Variants in ROBO1 observed in about 807,000 individuals in gnomAD.
ROBO1 encodes roundabout homolog 1.
In ROBO1, 149 loss-of-function variants were observed where a neutral mutation model predicts 195.9. The observed-to-expected ratio is 0.76, with a 90% CI of 0.67 to 0.87. The LOEUF (loss-of-function observed/expected upper bound fraction) is 0.87. Ranked by LOEUF, ROBO1 falls within the 40% of genes least tolerant of loss-of-function variation. ROBO1 has a pLI of 0.00. For missense variants in ROBO1, 1,933 were observed against 2,068.3 expected (o/e 0.93, Z 1.27); for synonymous variants, 816 against 733.2 (o/e 1.11, Z -1.82).
At chr3:79,161,412 T>G (rs950519287) in intron 2 of ROBO1, among the ~76,000 whole-genome samples, 2 of 152,140 alleles carry the variant, frequency 1.3e-5, no homozygotes, top group Non-Finnish European at 2.9e-5. Flanking sequence ...TCAATTTTTT[T>G]AAATCAAGGT....
chr3:79,287,570 T>A (rs1234207176), intron 2 of ROBO1, among the ~76,000 whole-genome samples: 1 of 152,192 alleles, frequency 6.6e-6, no homozygotes, highest in African/African-American at 2.4e-5. Context: ...TGACTAGTTA[T>A]CCCCATCTTC....
At chr3:78,979,313 G>A (rs1453783505) in intron 3 of ROBO1, among the ~76,000 whole-genome samples, 6 of 152,218 alleles carry the variant, frequency 3.9e-5, no homozygotes, top group Non-Finnish European at 4.4e-5. Flanking sequence ...GAAAAAATCC[G>A]GGCTTTTATC....
At chr3:79,394,077 C>T (rs1166927807) in intron 2 of ROBO1, among the ~76,000 whole-genome samples, 1 of 150,494 alleles carries the variant, frequency 6.6e-6, no homozygotes, top group East Asian at 2.0e-4. Flanking sequence ...TTTGATGAAG[C>T]AAATCAAGAG....
intron 2 of ROBO1, among the ~76,000 whole-genome samples, chr3:79,484,186 A>C (rs2107403007): frequency 6.6e-6 from 1 of 152,218 alleles, no homozygotes; most frequent in African/African-American, 2.4e-5. Context: ...TGAGCCTTAA[A>C]ATTTTTGTCT....
intron 10 of ROBO1, among the ~76,000 whole-genome samples, chr3:78,683,148 C>T (rs1460377861): frequency 8.7e-5 from 13 of 150,134 alleles, no homozygotes; most frequent in Admixed American, 1.3e-4. Flanking sequence ...ACACACACAC[C>T]GTCACATCAA....
At chr3:79,150,095 G>A (rs2080737176) in intron 2 of ROBO1, among the ~76,000 whole-genome samples, 1 of 151,752 alleles carries the variant, frequency 6.6e-6, no homozygotes, top group Non-Finnish European at 1.5e-5. Flanking sequence ...TTGCAGTTCA[G>A]ATTTTCCCAT....
intron 2 of ROBO1, among the ~76,000 whole-genome samples, chr3:79,129,845 A>G (rs1334866610): frequency 1.3e-5 from 2 of 150,056 alleles, no homozygotes; most frequent in African/African-American, 4.9e-5. Context: ...TCCATCTTGA[A>G]TTGATTTTTG....
intron 2 of ROBO1, among the ~76,000 whole-genome samples, chr3:79,222,844 A>AAAAC (rs144882644): frequency 3.5e-4 from 53 of 152,062 alleles, no homozygotes; most frequent in Non-Finnish European, 6.3e-4. Context: ...TGTCCAACAC[A>AAAAC]AAACAAACAA....
At chr3:79,020,917 CAT>C (rs1388178076) in intron 3 of ROBO1, among the ~76,000 whole-genome samples, 1 of 152,076 alleles carries the variant, frequency 6.6e-6, no homozygotes, top group Non-Finnish European at 1.5e-5. Context: ...CTCTTTTCTA[CAT>C]AGTGTTGTGC....
At chr3:79,247,339 A>G (rs1172752040) in intron 2 of ROBO1, among the ~76,000 whole-genome samples, 1 of 149,768 alleles carries the variant, frequency 6.7e-6, no homozygotes, top group Non-Finnish European at 1.5e-5. Context: ...CAGACGCCAT[A>G]CTAGAACCAC....
chr3:78,712,445 C>T (rs1422262362), intron 8 of ROBO1, among the ~76,000 whole-genome samples: 3 of 152,134 alleles, frequency 2.0e-5, no homozygotes, highest in Non-Finnish European at 4.4e-5. Context: ...CGAAAAAAGG[C>T]ATATCTTCTC....
At chr3:78,821,258 T>A (rs943444166) in intron 4 of ROBO1, among the ~76,000 whole-genome samples, 6 of 150,112 alleles carry the variant, frequency 4.0e-5, no homozygotes, top group African/African-American at 1.2e-4. Flanking sequence ...CTCTGCCTCC[T>A]GGGCTCAAGC....
At chr3:79,677,737 C>A (rs1255679242) in intron 1 of ROBO1, among the ~76,000 whole-genome samples, 1 of 152,078 alleles carries the variant, frequency 6.6e-6, no homozygotes, top group Non-Finnish European at 1.5e-5. Context: ...GAAGTCAAGG[C>A]CTTCAGTTCT....
intron 2 of ROBO1, among the ~76,000 whole-genome samples, chr3:79,329,441 A>T (rs557369219): frequency 1.9e-4 from 29 of 152,330 alleles, no homozygotes; most frequent in African/African-American, 7.0e-4. Context: ...TGAAGTTAAA[A>T]ATCCTGGTTC....
At chr3:79,727,741 C>A (rs1247330557) in intron 1 of ROBO1, among the ~76,000 whole-genome samples, 1 of 152,150 alleles carries the variant, frequency 6.6e-6, no homozygotes, top group Non-Finnish European at 1.5e-5. Context: ...CCTGCCTGCA[C>A]CCTTTTAAAA....
At chr3:78,946,602 A>G (rs2040459773) in intron 3 of ROBO1, among the ~76,000 whole-genome samples, 1 of 152,250 alleles carries the variant, frequency 6.6e-6, no homozygotes, top group Non-Finnish European at 1.5e-5. Context: ...GGCTAGGAAG[A>G]AACTGCATCA....
chr3:79,220,980 C>A (rs1042639395), intron 2 of ROBO1, among the ~76,000 whole-genome samples: 2 of 152,018 alleles, frequency 1.3e-5, no homozygotes, highest in South Asian at 2.1e-4. Flanking sequence ...ACAACCTTAA[C>A]CCTGTAGTGA....
chr3:79,521,104 T>C (rs949706171), intron 2 of ROBO1, among the ~76,000 whole-genome samples: 1 of 152,152 alleles, frequency 6.6e-6, no homozygotes, highest in Non-Finnish European at 1.5e-5. Flanking sequence ...GAACCCCTTG[T>C]GAAAGCAATC....
chr3:79,294,475 A>T (rs2109038545), intron 2 of ROBO1, among the ~76,000 whole-genome samples: 1 of 152,358 alleles, frequency 6.6e-6, no homozygotes, highest in South Asian at 2.1e-4. Flanking sequence ...CTTAAACGTA[A>T]GACCTAAAAT....
Sources: allele counts gnomAD v4.1 joint callset (sites outside exome capture counted in the v4.1 genomes callset), GRCh38; gene constraint gnomAD v4.1.1; transcripts MANE v1.5; gene names NCBI Gene and HGNC (gene_info 2026-07-23, HGNC 2026-07-21).